The following MTMR7 variants were observed in gnomAD, a reference collection of about 807,000 sequenced individuals.
MTMR7 encodes phosphatidylinositol-3-phosphate phosphatase MTMR7.
A neutral mutation model predicts 81.2 loss-of-function variants in MTMR7; 76 were observed. That is an observed-to-expected ratio of 0.94 (90% confidence interval 0.78 to 1.13). MTMR7 has a LOEUF of 1.13. Among genes scored for constraint, MTMR7 ranks in the 50% most tolerant of loss-of-function variants. MTMR7 has a pLI of 0.00. For missense variants in MTMR7, 1,044 were observed against 820.0 expected, an observed-to-expected ratio of 1.27 and a Z score of -3.34; for synonymous variants, 372 against 289.8, an observed-to-expected ratio of 1.28 and a Z score of -2.88.
At chr8:17,394,532 G>A (rs993182269) in intron 1 of MTMR7, among the ~76,000 whole-genome samples, 1 of 152,260 alleles carries the variant, frequency 6.6e-6, no homozygotes, top group African/African-American at 2.4e-5. Context: ...GGTGTAGGGA[G>A]AGAGAAAGGA....
rs2150446464 is a variant in MTMR7, at chr8:17,297,842, T to TTAAC, written c.*2016_*2019dup. Reference sequence around the variant, plus strand: ...CTTTTATATAAATCTCAGTGCTAGGTTAACTTCTAATAAGCAGACGAACAT... The same window carrying TTAAC: ...CTTTTATATAAATCTCAGTGCTAGGTTAACTAACTTCTAATAAGCAGACGAACAT... On this transcript the variant is annotated 3_prime_UTR_variant, in exon 14 of 14. Coordinates refer to ENST00000180173, the MANE Select transcript of MTMR7 (RefSeq NM_004686.5). 6.9e-6 allele frequency: 1 copy of TTAAC among 144,716 alleles called. No homozygotes were observed. The highest frequency in any genetic ancestry group is 2.1e-4 in the South Asian group (1 of 4,744). The allele number at this position is 144,716 out of a possible 1,614,324, so 9.0% of individuals were successfully genotyped here.
chr8:17,299,681 C>A lies in MTMR7; in HGVS notation c.*181G>T. The A allele has an allele frequency of 4.1e-6, 3 of 739,274 alleles. No individual in the cohort carries two copies. The highest frequency in any genetic ancestry group is 6.5e-6 in the Non-Finnish European group (3 of 463,280). The allele number at this position is 739,274 out of a possible 1,614,324, so 45.8% of individuals were successfully genotyped here. On this transcript the variant is annotated 3_prime_UTR_variant, in exon 14 of 14. Coordinates refer to ENST00000180173, the MANE Select transcript of MTMR7 (RefSeq NM_004686.5). ...TCCTTATATTTGATAAATGAAATGA[C>A]TACGTCCTCTTCAGTATCTAAGAAA... is the stretch of plus-strand genomic sequence containing the variant.
At chr8:17,383,742 T>C (rs1365276326) in intron 1 of MTMR7, among the ~76,000 whole-genome samples, 1 of 152,002 alleles carries the variant, frequency 6.6e-6, no homozygotes, top group Non-Finnish European at 1.5e-5. Context: ...TGCTTGCTCA[T>C]TTCTCTTGTC....
chr8:17,309,347 A>AT, intron 9 of MTMR7, 21 bp from the exon 10 acceptor site: 1 of 1,516,850 alleles, frequency 6.6e-7, no homozygotes, highest in Non-Finnish European at 9.1e-7. Context: ...AAGAATACAA[A>AT]TATCTTGGAG....
chr8:17,400,095 T>C (rs1409667547), intron 1 of MTMR7, among the ~76,000 whole-genome samples: 6 of 151,792 alleles, frequency 4.0e-5, no homozygotes, highest in South Asian at 2.1e-4. Context: ...AGATGAAGTA[T>C]GGTTTCTCAT....
intron 4 of MTMR7, among the ~76,000 whole-genome samples, chr8:17,355,491 A>G (rs188083933): frequency 1.4e-4 from 22 of 152,304 alleles, no homozygotes; most frequent in Admixed American, 1.3e-3. Context: ...CATAATAATC[A>G]TAACTGGTAA....
At chr8:17,395,616 T>A (rs1821223333) in intron 1 of MTMR7, among the ~76,000 whole-genome samples, 1 of 152,346 alleles carries the variant, frequency 6.6e-6, no homozygotes, top group East Asian at 1.9e-4. Context: ...GTAATAGTCA[T>A]CCTAATGGGT....
rs1214281815 is a variant in MTMR7, at chr8:17,349,052, G to A, written c.498C>T (p.Tyr166=). 19 of 1,612,196 alleles carry A rather than the reference G, an allele frequency of 1.2e-5. No individual in the cohort carries two copies. Among genetic ancestry groups the A allele is most frequent in the African/African-American group, 2.7e-5 (2 of 74,168 alleles). The part of the protein sequence containing the change: ...RVCDSYPTEL[Y]VPKSATAHII... ...TGTGTGCCGTGGCCGATTTGGGAAC[G>A]TACAGTTCAGTAGGATAAGAGTCAC... Residue 166 remains tyrosine, a synonymous_variant, in exon 5 of 14, where the codon TAC becomes TAT. Coordinates refer to ENST00000180173, the MANE Select transcript of MTMR7 (RefSeq NM_004686.5).
chr8:17,305,593 C>CTTA (rs1211178334), intron 11 of MTMR7, among the ~76,000 whole-genome samples, 164 bp downstream of exon 11: 1 of 152,102 alleles, frequency 6.6e-6, no homozygotes, highest in Non-Finnish European at 1.5e-5. Context: ...GACATTTAAA[C>CTTA]CATTTATGAA....
intron 6 of MTMR7, among the ~76,000 whole-genome samples, chr8:17,337,362 CAAA>C (rs1554511150): frequency 0.019 from 1,680 of 89,654 alleles, 38 homozygotes; most frequent in East Asian, 0.091. Context: ...AACTCCGTCC[CAAA>C]AAAAAAAAAA....
intron 1 of MTMR7, among the ~76,000 whole-genome samples, chr8:17,406,808 C>T (rs79354931): frequency 1.3e-5 from 2 of 152,206 alleles, no homozygotes; most frequent in South Asian, 2.1e-4. Flanking sequence ...AGTACTGATA[C>T]ATGCTACAAC....
At position 17,341,429 on chromosome 8, in the gene MTMR7, C is replaced by T; in HGVS notation, c.666G>A (p.Met222Ile). 1 of 1,614,206 alleles carries T rather than the reference C, an allele frequency of 6.2e-7. No homozygotes were observed. Among genetic ancestry groups the T allele is most frequent in the Non-Finnish European group, 8.5e-7 (1 of 1,180,046 alleles). ...FSARCLEDEQMLQAIRKANPG... is the reference protein window; with the variant it reads ...FSARCLEDEQILQAIRKANPG... Reference sequence around the variant, plus strand: ...GATTGGCTTTCCTAATGGCCTGGAGCATCTGCTCGTCCTCTAGGCACCGGG... The same window carrying T: ...GATTGGCTTTCCTAATGGCCTGGAGTATCTGCTCGTCCTCTAGGCACCGGG... Residue 222 changes from methionine to isoleucine, a missense_variant, in exon 6 of 14, where the codon ATG becomes ATA. By Grantham distance (10) the Met-to-Ile change is conservative. Coordinates refer to ENST00000180173, the MANE Select transcript of MTMR7 (RefSeq NM_004686.5).
intron 4 of MTMR7, among the ~76,000 whole-genome samples, chr8:17,351,697 G>A (rs1819733732): frequency 6.6e-6 from 1 of 152,188 alleles, no homozygotes; most frequent in Non-Finnish European, 1.5e-5. Flanking sequence ...CTGGGTCTAG[G>A]GGAAAAAGCT....
intron 1 of MTMR7, among the ~76,000 whole-genome samples, chr8:17,406,503 T>C (rs1381541436): frequency 3.9e-5 from 6 of 152,136 alleles, no homozygotes; most frequent in Non-Finnish European, 8.8e-5. Context: ...AGTGATGATA[T>C]GGAAAAACTG....
chr8:17,333,200 C>G (rs1819102543), intron 6 of MTMR7, among the ~76,000 whole-genome samples: 1 of 152,048 alleles, frequency 6.6e-6, no homozygotes, highest in Non-Finnish European at 1.5e-5. Flanking sequence ...CATCTTTCTC[C>G]CAGGCATGCT....
chr8:17,364,729 G>A (rs1820172810), intron 3 of MTMR7, among the ~76,000 whole-genome samples: 1 of 152,174 alleles, frequency 6.6e-6, no homozygotes, highest in Non-Finnish European at 1.5e-5. Context: ...CATCCATGTT[G>A]TCACAAATAA....
chr8:17,319,389 T>G (rs1818269237), intron 7 of MTMR7, among the ~76,000 whole-genome samples: 1 of 152,210 alleles, frequency 6.6e-6, no homozygotes, highest in African/African-American at 2.4e-5. Flanking sequence ...AGGGGTGTCC[T>G]GGGAGGAAGG....
intron 1 of MTMR7, among the ~76,000 whole-genome samples, chr8:17,391,486 G>C (rs959932562): frequency 2.0e-5 from 3 of 152,136 alleles, no homozygotes; most frequent in Non-Finnish European, 4.4e-5. Flanking sequence ...TGGATCTCCA[G>C]GGCCTAAAAC....
intron 1 of MTMR7, among the ~76,000 whole-genome samples, chr8:17,379,328 G>C (rs66824676): frequency 0.1 from 15,972 of 152,114 alleles, 948 homozygotes; most frequent in African/African-American, 0.12. Flanking sequence ...GGCAGAAGCA[G>C]ATAGTCTGAC....
Sources: allele counts gnomAD v4.1 joint callset (sites outside exome capture counted in the v4.1 genomes callset), GRCh38; gene constraint gnomAD v4.1.1; transcripts MANE v1.5; gene names NCBI Gene and HGNC (gene_info 2026-07-23, HGNC 2026-07-21).